Variants in ZBTB20 observed in about 807,000 individuals in gnomAD.
ZBTB20 encodes the protein zinc finger and BTB domain-containing protein 20.
In ZBTB20, 9 loss-of-function variants were observed where a neutral mutation model predicts 56.9. The ratio of observed to expected loss-of-function variants is 0.16; its 90% CI spans 0.10 to 0.28. The LOEUF (loss-of-function observed/expected upper bound fraction) is 0.28. Among genes scored for constraint, ZBTB20 ranks in the 10% least tolerant of loss-of-function variants. The pLI is 1.00. For synonymous variants in ZBTB20, 417 were observed against 420.7 expected, an observed-to-expected ratio of 0.99 and a Z score of 0.11; for missense variants, 655 against 1,003.0, an observed-to-expected ratio of 0.65 and a Z score of 4.69.
At chr3:115,050,734 A>G (rs539820957) in intron 2 of ZBTB20, among the ~76,000 whole-genome samples, 15 of 152,172 alleles carry the variant, frequency 9.9e-5, no homozygotes, top group Non-Finnish European at 1.8e-4. Context: ...CGAAACTTTT[A>G]TGTGCAGATG....
rs111550660 is a variant in ZBTB20 at position 114,485,488 on chromosome 3, T to C, written c.-255+14864A>G. Among the ~76,000 whole-genome samples, 1,372 of 152,336 alleles carry C rather than the reference T, an allele frequency of 9.0e-3. 19 individuals carry two copies. The highest frequency in any genetic ancestry group is 0.031 in the African/African-American group (1,296 of 41,582). ...CTCTCTGAAGAACATCTCCATCTTT[T>C]GGTCACTACTTGAGTAGAGATGAGT... On this transcript the variant is annotated intron_variant, in intron 7 of 11. Transcript: ENST00000675478.
chr3:115,005,065 G>C (rs957367389), intron 2 of ZBTB20, among the ~76,000 whole-genome samples: 7 of 151,634 alleles, frequency 4.6e-5, no homozygotes, highest in Non-Finnish European at 8.9e-5. Context: ...CAGAGGGAAA[G>C]TGGGTAGTCA....
At position 114,608,827 on chromosome 3, in the gene ZBTB20, A is replaced by G. The variant is rs978096914; in HGVS notation, c.-295+84701T>C. 7.9e-5 allele frequency among the ~76,000 whole-genome samples: 12 copies of G among 152,286 alleles called. 1 individual carries two copies. The highest frequency in any genetic ancestry group is 2.6e-4 in the African/African-American group (11 of 41,562). ...ATTGTCTGTCAATCTGGTTGATCAGATTACTAATTTCTACTCTACTGGAAG... is the reference window on the plus strand; with the variant it reads ...ATTGTCTGTCAATCTGGTTGATCAGGTTACTAATTTCTACTCTACTGGAAG... On this transcript the variant is annotated intron_variant, in intron 6 of 11. Coordinates refer to ENST00000675478, the MANE Select transcript of ZBTB20 (RefSeq NM_001348800.3).
intron 2 of ZBTB20, among the ~76,000 whole-genome samples, chr3:114,991,128 G>C (rs1006978422): frequency 1.2e-4 from 18 of 151,902 alleles, no homozygotes; most frequent in Admixed American, 1.1e-3. Context: ...TGATCTTAGT[G>C]ATTTCTTGCC....
intron 1 of ZBTB20, among the ~76,000 whole-genome samples, chr3:115,110,734 A>G (rs2083854500): frequency 6.6e-6 from 1 of 152,210 alleles, no homozygotes; most frequent in Admixed American, 6.5e-5. Context: ...CACGCCTGTA[A>G]TCCCAGCACT....
At chr3:114,501,641 C>G (rs964990102) in intron 6 of ZBTB20, among the ~76,000 whole-genome samples, 1 of 133,874 alleles carries the variant, frequency 7.5e-6, no homozygotes, top group Non-Finnish European at 1.6e-5. Flanking sequence ...AAAAAAATCA[C>G]AGGCCAAAAA....
At chr3:114,821,197 G>A (rs773825672) in intron 4 of ZBTB20, among the ~76,000 whole-genome samples, 1 of 152,076 alleles carries the variant, frequency 6.6e-6, no homozygotes, top group Non-Finnish European at 1.5e-5. Flanking sequence ...TGTGTTTGAA[G>A]GCACACCCCC....
chr3:114,852,483 C>A (rs1217882664), intron 4 of ZBTB20, among the ~76,000 whole-genome samples: 1 of 151,912 alleles, frequency 6.6e-6, no homozygotes, highest in Non-Finnish European at 1.5e-5. Context: ...AGGCTGGTCT[C>A]AAACTCCCGA....
intron 4 of ZBTB20, among the ~76,000 whole-genome samples, chr3:114,885,980 C>T (rs376171146): frequency 6.6e-5 from 10 of 152,170 alleles, no homozygotes; most frequent in East Asian, 1.9e-4. Flanking sequence ...AGAAAACATA[C>T]TTGTAATATC....
chr3:115,042,720 T>G (rs764097452), intron 2 of ZBTB20, among the ~76,000 whole-genome samples: 1 of 152,206 alleles, frequency 6.6e-6, no homozygotes, highest in Non-Finnish European at 1.5e-5. Flanking sequence ...CTTTTTGGAT[T>G]AAAAACTAAA....
chr3:114,694,057 G>T (rs981271099), intron 5 of ZBTB20, among the ~76,000 whole-genome samples: 2 of 151,960 alleles, frequency 1.3e-5, no homozygotes, highest in African/African-American at 4.8e-5. Context: ...TGGCAATGGT[G>T]GGAGAATAAG....
chr3:114,409,659 T>G (rs575239107), intron 7 of ZBTB20, among the ~76,000 whole-genome samples: 1 of 152,160 alleles, frequency 6.6e-6, no homozygotes, highest in African/African-American at 2.4e-5. Context: ...CATTTAGCTT[T>G]TTAATTCTGA....
intron 7 of ZBTB20, among the ~76,000 whole-genome samples, chr3:114,430,722 T>C (rs2090057017): frequency 6.6e-6 from 1 of 152,166 alleles, no homozygotes; most frequent in African/African-American, 2.4e-5. Flanking sequence ...ACATAAAAAA[T>C]ACCCTATAAA....
chr3:114,419,109 C>T (rs2088875794), intron 7 of ZBTB20: 1 of 152,084 alleles, frequency 6.6e-6, no homozygotes, highest in South Asian at 2.1e-4. Flanking sequence ...TTCTGTGTAT[C>T]CCTGCCAAAG....
At chr3:115,006,287 T>C (rs986852987) in intron 2 of ZBTB20, among the ~76,000 whole-genome samples, 2 of 151,730 alleles carry the variant, frequency 1.3e-5, no homozygotes, top group African/African-American at 4.8e-5. Flanking sequence ...CCACTCCCTC[T>C]CCATTCCCCC....
At chr3:114,479,385 TA>T (rs1352364923) in intron 7 of ZBTB20, among the ~76,000 whole-genome samples, 1 of 152,224 alleles carries the variant, frequency 6.6e-6, no homozygotes, top group Non-Finnish European at 1.5e-5. Flanking sequence ...TAATATACTC[TA>T]AAAGTAGCCA....
chr3:114,675,051 ATATATATATATGAATATATATT>A (rs2061552709), intron 6 of ZBTB20, among the ~76,000 whole-genome samples: 1 of 147,940 alleles, frequency 6.8e-6, no homozygotes, highest in South Asian at 2.1e-4. Flanking sequence ...TCTATCTTTC[ATATATATATATGAATATATATT>A]ATATATATTA....
intron 7 of ZBTB20, among the ~76,000 whole-genome samples, chr3:114,490,473 G>A (rs902932261): frequency 1.4e-4 from 21 of 151,866 alleles, no homozygotes; most frequent in Non-Finnish European, 2.4e-4. Context: ...TGCCTGCCTC[G>A]GCCTCCCAAA....
chr3:114,360,633 G>A (rs938939727), intron 10 of ZBTB20, among the ~76,000 whole-genome samples: 4 of 151,992 alleles, frequency 2.6e-5, no homozygotes, highest in East Asian at 1.9e-4. Context: ...TTACAGGCGT[G>A]AGCCACTGTG....
Sources: allele counts gnomAD v4.1 joint callset (sites outside exome capture counted in the v4.1 genomes callset), GRCh38; gene constraint gnomAD v4.1.1; transcripts MANE v1.5; gene names NCBI Gene and HGNC (gene_info 2026-07-23, HGNC 2026-07-21).